The following ARHGEF18 variants were observed in gnomAD, a reference collection of about 807,000 sequenced individuals.
The protein encoded by ARHGEF18 is rho guanine nucleotide exchange factor 18.
In ARHGEF18, 93 loss-of-function variants were observed where a neutral mutation model predicts 155.7. That is an observed-to-expected ratio of 0.60 (90% CI 0.50 to 0.71). The LOEUF is 0.71. Ranked by LOEUF, ARHGEF18 falls within the 30% of genes least tolerant of loss-of-function variation. The pLI is 0.00. For synonymous variants in ARHGEF18, 742 were observed against 753.1 expected (o/e 0.99, Z 0.24); for missense variants, 1,593 against 1,816.1 (o/e 0.88, Z 2.23).
rs1976963929 is a variant in ARHGEF18 at position 7,470,525 on chromosome 19, T to C, written c.*227T>C. 2 of 419,838 alleles carry C rather than the reference T, an allele frequency of 4.8e-6. No individual in the cohort carries two copies. The highest frequency in any genetic ancestry group is 4.1e-5 in the African/African-American group (2 of 48,782). 26.0% of individuals were successfully genotyped at this position (419,838 alleles called of 1,614,324 possible). A position where few individuals can be genotyped will look rare whatever the true frequency, so the allele number is the denominator to read the frequency against. ...GTCACTTTCTGAATCTCTTTTTTTT[T>C]TTTTCAAAAAGGAAAGTTTTTAATG... is the stretch of plus-strand genomic sequence containing the variant. On this transcript the variant is annotated 3_prime_UTR_variant, in exon 29 of 29. Coordinates refer to ENST00000668164, the MANE Select transcript of ARHGEF18 (RefSeq NM_001367823.1). The surrounding 1 kb of genome is among the most constrained non-coding windows in gnomAD (Gnocchi z 5.9).
At chr19:7,419,000 A>C (rs1300745587) in intron 10 of ARHGEF18, among the ~76,000 whole-genome samples, 3 of 151,150 alleles carry the variant, frequency 2.0e-5, no homozygotes, top group Non-Finnish European at 4.4e-5. Context: ...CCCTCACCCC[A>C]GGTGCACCCG....
intron 3 of ARHGEF18, among the ~76,000 whole-genome samples, 190 bp downstream of exon 3, chr19:7,373,261 CT>C: frequency 6.6e-6 from 1 of 152,326 alleles, no homozygotes; most frequent in South Asian, 2.1e-4. Flanking sequence ...GGGATACTTT[CT>C]GGACAATTCA....
chr19:7,368,971 T>A (rs1970067981), intron 2 of ARHGEF18, among the ~76,000 whole-genome samples: 1 of 151,994 alleles, frequency 6.6e-6, no homozygotes, highest in African/African-American at 2.4e-5. Context: ...ATGAGGACGG[T>A]GGCCACAAAG....
chr19:7,443,259 G>T (rs985556782), intron 13 of ARHGEF18, among the ~76,000 whole-genome samples: 1 of 152,010 alleles, frequency 6.6e-6, no homozygotes, highest in Non-Finnish European at 1.5e-5. Context: ...GTTTCACCAT[G>T]TTGGTCAGGC....
intron 1 of ARHGEF18, among the ~76,000 whole-genome samples, chr19:7,353,365 GA>G (rs2145309697): frequency 6.6e-6 from 1 of 151,632 alleles, no homozygotes; most frequent in Admixed American, 6.6e-5. Flanking sequence ...GAGGTGGTTG[GA>G]TCACCTGAGG....
At chr19:7,416,573 G>A (rs1336314003) in intron 10 of ARHGEF18, among the ~76,000 whole-genome samples, 1 of 142,118 alleles carries the variant, frequency 7.0e-6, no homozygotes, top group African/African-American at 2.8e-5. Context: ...GTGTGTGTGT[G>A]TGTGTTTTGG....
chr19:7,424,766 C>T (rs1278512576), intron 10 of ARHGEF18, among the ~76,000 whole-genome samples: 5 of 152,224 alleles, frequency 3.3e-5, no homozygotes, highest in South Asian at 4.2e-4. Flanking sequence ...GAGGCCGAGG[C>T]GGGCGGATCA....
intron 18 of ARHGEF18, among the ~76,000 whole-genome samples, chr19:7,457,898 T>C (rs1472353696): frequency 6.6e-6 from 1 of 152,164 alleles, no homozygotes; most frequent in Non-Finnish European, 1.5e-5. Context: ...TCTGTTGTTA[T>C]ATACTACATA....
Position 7,360,478 on chromosome 19 carries a change from C to T in ARHGEF18, c.-110-2303C>T, listed in dbSNP as rs190266751. On this transcript the variant is annotated intron_variant, in intron 1 of 28. Coordinates refer to ENST00000668164, the MANE Select transcript of ARHGEF18 (RefSeq NM_001367823.1). ...CTCAAACTCCTCACCTCAAGTGATC[C>T]GCCTTCCTCGGCCTCCCAAAGTGCT... Among the ~76,000 whole-genome samples, 18 of 152,258 alleles carry T rather than the reference C, an allele frequency of 1.2e-4. No homozygotes were observed. In the East Asian group the frequency reaches 2.5e-3, roughly 21 times the overall value.
chr19:7,399,200 C>G (rs2432105), intron 10 of ARHGEF18, among the ~76,000 whole-genome samples: 30,500 of 152,034 alleles, frequency 0.2, 3,681 homozygotes, highest in Non-Finnish European at 0.26. Context: ...CAAAACAGCA[C>G]CAGTGGAAGC....
intron 10 of ARHGEF18, chr19:7,439,648 T>G: frequency 8.9e-7 from 1 of 1,129,160 alleles, no homozygotes; most frequent in Non-Finnish European, 1.1e-6. Flanking sequence ...TCCACTTCGA[T>G]GCTAGAATTC....
At chr19:7,461,830 A>G (rs1396176801) in intron 20 of ARHGEF18, among the ~76,000 whole-genome samples, 1 of 151,874 alleles carries the variant, frequency 6.6e-6, no homozygotes, top group Non-Finnish European at 1.5e-5. Context: ...CTAATTTTTT[A>G]TTTGTAGAGA....
chr19:7,370,322 C>CAAAAAA (rs1970144374), intron 2 of ARHGEF18, among the ~76,000 whole-genome samples: 1 of 152,012 alleles, frequency 6.6e-6, no homozygotes, highest in Non-Finnish European at 1.5e-5. Context: ...AGGGAAACTC[C>CAAAAAA]ATCTCTACTA....
chr19:7,431,685 A>C (rs549523611), intron 10 of ARHGEF18, among the ~76,000 whole-genome samples: 2 of 152,076 alleles, frequency 1.3e-5, no homozygotes, highest in African/African-American at 4.8e-5. Context: ...GTGGCGGCGC[A>C]TGCCTGTAAT....
At chr19:7,473,256 C>T (rs943036131), downstream of ARHGEF18, 3 of 456,018 alleles carry the variant, frequency 6.6e-6, no homozygotes, top group African/African-American at 4.0e-5. Context: ...GGTGTAAAGT[C>T]GATCACTAGC....
Position 7,362,054 on chromosome 19 carries a change from A to G in ARHGEF18, c.-110-727A>G, listed in dbSNP as rs1182819403. Among the ~76,000 whole-genome samples the G allele has an allele frequency of 4.4e-3, 158 of 36,132 alleles. 2 individuals carry two copies. The highest frequency in any genetic ancestry group is 0.017 in the Middle Eastern group (2 of 118). 23.7% of individuals were successfully genotyped at this position (36,132 alleles called of 152,430 possible). On this transcript the variant is annotated intron_variant, in intron 1 of 28. Coordinates refer to ENST00000668164, the MANE Select transcript of ARHGEF18 (RefSeq NM_001367823.1). ...GAGAAGGAGAAGGAGAAGGAGAAGG[A>G]GAAGGAGAAGGAGAAGGAGAAGGAG...
At chr19:7,382,459 TG>T (rs1970795250) in intron 8 of ARHGEF18, among the ~76,000 whole-genome samples, 1 of 36,274 alleles carries the variant, frequency 2.8e-5, no homozygotes, top group South Asian at 8.0e-4. Context: ...CGGGTGGGGG[TG>T]GGGGGCGTGA....
At chr19:7,457,951 G>A (rs528243527) in intron 18 of ARHGEF18, among the ~76,000 whole-genome samples, 1 of 151,966 alleles carries the variant, frequency 6.6e-6, no homozygotes, top group East Asian at 1.9e-4. Context: ...GTGCATTGCC[G>A]ACTATTTAAA....
intron 10 of ARHGEF18, among the ~76,000 whole-genome samples, chr19:7,386,752 C>G (rs1039498803): frequency 6.6e-6 from 1 of 152,064 alleles, no homozygotes; most frequent in African/African-American, 2.4e-5. Flanking sequence ...GCTCAGAGGA[C>G]CCTGTCACTT....
Sources: allele counts gnomAD v4.1 joint callset (sites outside exome capture counted in the v4.1 genomes callset), GRCh38; gene constraint gnomAD v4.1.1; non-coding constraint Gnocchi (gnomAD v3.1); transcripts MANE v1.5; gene names NCBI Gene and HGNC (gene_info 2026-07-23, HGNC 2026-07-21).